PMPCB: variants seen among roughly 807,000 people sequenced by gnomAD.
PMPCB encodes the protein mitochondrial-processing peptidase subunit beta.
Under a neutral mutation model 61.5 loss-of-function variants are expected in PMPCB, and 46 were observed. The observed-to-expected ratio is 0.75, with a 90% CI of 0.59 to 0.96. The LOEUF is 0.96. Ranked by LOEUF, PMPCB falls within the 40% of genes least tolerant of loss-of-function variation. PMPCB has a pLI of 0.00. For missense variants in PMPCB, 590 were observed against 602.4 expected, an observed-to-expected ratio of 0.98 and a Z score of 0.22; for synonymous variants, 191 against 201.6, an observed-to-expected ratio of 0.95 and a Z score of 0.44.
downstream of PMPCB, chr7:103,315,723 AC>A (rs1449421974): frequency 1.5e-6 from 2 of 1,355,796 alleles, no homozygotes; most frequent in South Asian, 2.3e-5. Context: ...CAGCACAGAT[AC>A]ATGGCTAGCA....
downstream of PMPCB, among the ~76,000 whole-genome samples, chr7:103,317,567 C>G (rs942405171): frequency 1.3e-5 from 2 of 152,182 alleles, no homozygotes; most frequent in African/African-American, 2.4e-5. Flanking sequence ...CCTTCAATCC[C>G]TTAGAACCAG....
intron 12 of PMPCB, chr7:103,328,799 T>C: frequency 3.5e-6 from 1 of 287,720 alleles, no homozygotes; most frequent in Non-Finnish European, 6.7e-6. Flanking sequence ...TCAAGTAGAT[T>C]TGTTATAATT....
At chr7:103,332,934 T>G (rs1819031895), downstream of PMPCB, among the ~76,000 whole-genome samples, 1 of 152,224 alleles carries the variant, frequency 6.6e-6, no homozygotes, top group Non-Finnish European at 1.5e-5. Flanking sequence ...CTTTCTGTAT[T>G]TCACTACGTT....
At chr7:103,299,049 C>T (rs1254395647) in intron 2 of PMPCB, among the ~76,000 whole-genome samples, 1 of 152,182 alleles carries the variant, frequency 6.6e-6, no homozygotes, top group African/African-American at 2.4e-5. Flanking sequence ...TTGTAGTGGG[C>T]ATCCTCACAC....
Position 103,304,451 on chromosome 7 carries a change from CATT to C in PMPCB, c.700_702del (p.Tyr234del), listed in dbSNP as rs1817527489. On this transcript the variant is annotated inframe_deletion, in exon 6 of 13. Coordinates refer to ENST00000249269, the MANE Select transcript of PMPCB (RefSeq NM_004279.3). ...GGACTTAGTGGATTATATAACCACA[CATT>C]ATAAGGGGCCAAGAATAGTGCTTGC... 1.2e-6 allele frequency: 2 copies of C among 1,607,004 alleles called. No homozygotes were observed. The highest frequency in any genetic ancestry group is 1.7e-6 in the Non-Finnish European group (2 of 1,173,656).
chr7:103,311,875 T>A lies in PMPCB; in HGVS notation c.1308T>A (p.Pro436=), dbSNP rs747732522. 3 of 1,611,148 alleles carry A rather than the reference T, an allele frequency of 1.9e-6. No individual in the cohort carries two copies. In the East Asian group the frequency reaches 6.7e-5, roughly 36 times the overall value. The part of the protein sequence containing the change: ...MLCYNRRIPI[P]ELEARIDAVN... Reference sequence around the variant, plus strand: ...GCTATAATAGAAGGATTCCCATCCCTGAGCTTGAAGCAAGAATTGATGTAA... The same window carrying A: ...GCTATAATAGAAGGATTCCCATCCCAGAGCTTGAAGCAAGAATTGATGTAA... Residue 436 remains proline, a synonymous_variant, in exon 11 of 13, where the codon CCT becomes CCA. Transcript: ENST00000249269.
chr7:103,300,634 C>G (rs1271633105), intron 4 of PMPCB, among the ~76,000 whole-genome samples: 3 of 152,078 alleles, frequency 2.0e-5, no homozygotes, highest in African/African-American at 7.2e-5. Context: ...AAAACATTTC[C>G]CAGTGGAAGA....
At chr7:103,342,635 G>A in the PMPCB span, among the ~76,000 whole-genome samples, 1 of 142,600 alleles carries the variant, frequency 7.0e-6, no homozygotes. Context: ...TTGGGACGGA[G>A]TCTTGCTCTG....
the PMPCB span, chr7:103,337,041 T>C: frequency 6.6e-6 from 1 of 152,198 alleles, no homozygotes; most frequent in Non-Finnish European, 1.5e-5. Context: ...TCAATATCCA[T>C]TCTCTAGAGT....
intron 6 of PMPCB, 147 bp from the exon 7 acceptor site, chr7:103,307,449 G>A (rs1161625282): frequency 1.8e-6 from 1 of 549,992 alleles, no homozygotes; most frequent in Non-Finnish European, 3.2e-6. Context: ...CAAGGAAATA[G>A]GTGTGCTATG....
At chr7:103,338,124 G>C in the PMPCB span, among the ~76,000 whole-genome samples, 2 of 152,034 alleles carry the variant, frequency 1.3e-5, no homozygotes, top group Admixed American at 1.3e-4. Flanking sequence ...TTAAAAATTA[G>C]CTGGGTGTGG....
chr7:103,309,056 G>A lies in PMPCB; in HGVS notation c.954G>A (p.Thr318=), dbSNP rs148246971. 6.2e-5 allele frequency: 99 copies of A among 1,604,636 alleles called. 2 individuals are homozygous for A. The African/African-American group carries it at 1.1e-3, about 18-fold the overall frequency. Residue 318 remains threonine (T), a synonymous_variant, in exon 8 of 13, where the codon ACG becomes ACA. Transcript: ENST00000249269. Reference sequence around the variant, plus strand: ...CAATCTGTCTCATGGTTGCAAACACGCTGATTGGCAACTGGGATCGCTCTT... The same window carrying A: ...CAATCTGTCTCATGGTTGCAAACACACTGATTGGCAACTGGGATCGCTCTT... ...PDTICLMVAN[T]LIGNWDRSFG...
In PMPCB at chr7:103,299,514, G is replaced by C; in HGVS notation, c.312G>C (p.Glu104Asp). The change falls in exon 3 of 13, where the codon GAG becomes GAC. Residue 104 changes from glutamate (E) to aspartate (D), a missense_variant. By Grantham distance (45) the Glu-to-Asp change is conservative (BLOSUM62 2). Transcript: ENST00000249269. Reference sequence around the variant, plus strand: ...ACAATGGAACAGCACACTTTCTGGAGCATATGGCTTTCAAGGCAAGTTGTA... The same window carrying C: ...ACAATGGAACAGCACACTTTCTGGACCATATGGCTTTCAAGGCAAGTTGTA... ...EKNNGTAHFLEHMAFKGTKKR... is the reference protein window; with the variant it reads ...EKNNGTAHFLDHMAFKGTKKR... 1 of 1,609,914 alleles carries C rather than the reference G, an allele frequency of 6.2e-7. No homozygotes were observed. Among genetic ancestry groups the C allele is most frequent in the South Asian group, 1.1e-5 (1 of 90,762 alleles).
downstream of PMPCB, among the ~76,000 whole-genome samples, chr7:103,330,284 GTTATT>G (rs200461394): frequency 6.6e-6 from 1 of 151,794 alleles, no homozygotes; most frequent in Non-Finnish European, 1.5e-5. Flanking sequence ...AATTGCATTT[GTTATT>G]TTATTTTTTT....
chr7:103,297,878 G>A lies in PMPCB; in HGVS notation c.99+320G>A. The A allele has an allele frequency of 8.5e-6, 12 of 1,411,378 alleles. 1 individual carries two copies. In the South Asian group the frequency reaches 1.3e-4, roughly 15 times the overall value. 87.4% of individuals were successfully genotyped at this position (1,411,378 alleles called of 1,614,324 possible). On this transcript the variant is annotated intron_variant, in intron 1 of 12. Coordinates refer to ENST00000249269, the MANE Select transcript of PMPCB (RefSeq NM_004279.3). ...AAAACTAAAAAGTGAAATGGGTACC[G>A]CTCCAGAGTTCTATTTTTGCCTAAG...
the PMPCB span, among the ~76,000 whole-genome samples, chr7:103,346,818 ATGTGTGTG>A: frequency 0.43 from 63,937 of 150,004 alleles, 14,485 homozygotes; most frequent in Middle Eastern, 0.62. Context: ...AGGCTGAATA[ATGTGTGTG>A]TGTGTGTGTG....
rs1457403538 is a variant in PMPCB, at chr7:103,300,060, G to T, written c.328-118G>T. 5 of 951,574 alleles carry T rather than the reference G, an allele frequency of 5.3e-6. No homozygotes were observed. The African/African-American group carries it at 6.6e-5, about 13-fold the overall frequency. 58.9% of individuals were successfully genotyped at this position (951,574 alleles called of 1,614,324 possible). ...ATCGTACCATACCTGATGTACTTTA[G>T]AAACCAAATTTGACCCTGCATGAAA... On this transcript the variant is annotated intron_variant, in intron 3 of 12. Transcript: ENST00000249269.
intron 6 of PMPCB, among the ~76,000 whole-genome samples, chr7:103,305,065 GGA>G (rs1219054955): frequency 2.0e-5 from 3 of 152,228 alleles, no homozygotes; most frequent in Admixed American, 1.3e-4. Flanking sequence ...GAGTGAACTG[GGA>G]GAGAGTCGGA....
intron 12 of PMPCB, chr7:103,326,822 T>C (rs758313774): frequency 6.2e-6 from 5 of 804,158 alleles, no homozygotes; most frequent in Non-Finnish European, 9.4e-6. Context: ...TTGGGGAGGA[T>C]TTAATTTAGG....
Sources: allele counts gnomAD v4.1 joint callset (sites outside exome capture counted in the v4.1 genomes callset), GRCh38; gene constraint gnomAD v4.1.1; transcripts MANE v1.5; gene names NCBI Gene and HGNC (gene_info 2026-07-23, HGNC 2026-07-21).